Variants in XRN1 observed in about 807,000 individuals in gnomAD.
XRN1 encodes strand-exchange protein 1 homolog.
A neutral mutation model predicts 222.3 loss-of-function variants in XRN1; 67 were observed. That is an observed-to-expected ratio of 0.30 (90% CI 0.25 to 0.37). The LOEUF (loss-of-function observed/expected upper bound fraction) is 0.37. XRN1 is among the 10% of genes least tolerant of loss of function. XRN1 has a pLI of 1.00. For synonymous variants in XRN1, 643 were observed against 652.4 expected, an observed-to-expected ratio of 0.99 and a Z score of 0.22; for missense variants, 1,707 against 2,000.2, an observed-to-expected ratio of 0.85 and a Z score of 2.80.
Position 142,421,518 on chromosome 3 carries a change from G to A in XRN1, c.993C>T (p.Leu331=). ...LGGYINESGH[L]NLPRFEKYLV... is the part of the protein sequence containing the mutation. ...GGTATTTCTCAAATCGAGGTAAGTT[G>A]AGGTGCCCACTTTCATTAATATAAC... is the stretch of plus-strand genomic sequence containing the variant. The change falls in exon 9 of 41, where the codon CTC becomes CTT. Residue 331 remains leucine, a synonymous_variant. Transcript: ENST00000392981. 1.6e-5 allele frequency: 25 copies of A among 1,609,880 alleles called. No individual in the cohort carries two copies. The highest frequency in any genetic ancestry group is 2.1e-5 in the Non-Finnish European group (25 of 1,178,304).
In XRN1 at chr3:142,412,383, T is replaced by C. The variant is rs552525785; in HGVS notation, c.1713+161A>G. 1.8e-4 allele frequency among the ~76,000 whole-genome samples: 28 copies of C among 152,364 alleles called. 1 individual carries two copies. Among genetic ancestry groups the C allele is most frequent in the Admixed American group, 1.6e-3 (25 of 15,310 alleles). On this transcript the variant is annotated intron_variant, in intron 15 of 40. Transcript: ENST00000392981. The stretch of plus-strand genomic sequence containing the variant: ...TAGTAAAGCCACTTCAGCCTTATTA[T>C]AATTGGCATACCTGGAAGTTTTTAT...
At chr3:142,436,708 G>C (rs866570904) in intron 1 of XRN1, among the ~76,000 whole-genome samples, 2 of 152,106 alleles carry the variant, frequency 1.3e-5, no homozygotes, top group Non-Finnish European at 2.9e-5. Flanking sequence ...TTATGAAATA[G>C]ATTCATATTT....
At chr3:142,345,629 G>A (rs183238690) in intron 33 of XRN1, among the ~76,000 whole-genome samples, 1 of 152,108 alleles carries the variant, frequency 6.6e-6, no homozygotes. Flanking sequence ...CACAGAATGG[G>A]AGAAAATATT....
intron 32 of XRN1, among the ~76,000 whole-genome samples, chr3:142,353,174 G>A (rs374713587): frequency 1.1e-4 from 17 of 152,244 alleles, no homozygotes; most frequent in Non-Finnish European, 2.2e-4. Context: ...TGTTAAATGC[G>A]ATAACGGCCT....
At chr3:142,411,812 C>T (rs1032145160) in intron 15 of XRN1, among the ~76,000 whole-genome samples, 4 of 151,038 alleles carry the variant, frequency 2.6e-5, no homozygotes, top group Admixed American at 2.0e-4. Flanking sequence ...CTTCTTTATA[C>T]TTACTGAAAA....
At position 142,307,945 on chromosome 3, in the gene XRN1, G is replaced by A. The variant is rs992300907; in HGVS notation, c.*3566C>T. On this transcript the variant is annotated 3_prime_UTR_variant, in exon 41 of 41. Coordinates refer to ENST00000392981, the MANE Select transcript of XRN1 (RefSeq NM_001282857.2). The stretch of plus-strand genomic sequence containing the variant: ...TACAATAAATTAATTGTCTTCTACA[G>A]TAAAAACAAAATTTGGAAGCAACAT... The A allele has an allele frequency of 6.6e-6, 1 of 152,150 alleles. No homozygotes were observed. Among genetic ancestry groups the A allele is most frequent in the Non-Finnish European group, 1.5e-5 (1 of 68,026 alleles). 9.4% of individuals were successfully genotyped at this position (152,150 alleles called of 1,614,324 possible).
chr3:142,377,955 G>T (rs1195778735), intron 23 of XRN1, among the ~76,000 whole-genome samples: 1 of 152,124 alleles, frequency 6.6e-6, no homozygotes, highest in Non-Finnish European at 1.5e-5. Context: ...GCACCAGATG[G>T]TAAGATTTTA....
chr3:142,401,592 C>G (rs1162170675), intron 18 of XRN1, among the ~76,000 whole-genome samples: 1 of 151,904 alleles, frequency 6.6e-6, no homozygotes, highest in Non-Finnish European at 1.5e-5. Context: ...GTGACAGGAG[C>G]CTGTAATTCC....
chr3:142,418,875 C>T lies in XRN1; in HGVS notation c.1180G>A (p.Glu394Lys), dbSNP rs1172920935. The T allele has an allele frequency of 1.2e-6, 2 of 1,613,908 alleles. No individual in the cohort carries two copies. The highest frequency in any genetic ancestry group is 8.5e-7 in the Non-Finnish European group (1 of 1,179,858). The change falls in exon 11 of 41, where the codon GAA (glutamate) becomes AAA (lysine). Residue 394 changes from glutamate to lysine, a missense_variant. Glu to Lys is a moderately conservative substitution (Grantham distance 56). Coordinates refer to ENST00000392981, the MANE Select transcript of XRN1 (RefSeq NM_001282857.2). Reference protein sequence around the residue: ...YKEKKKLKGQENSLCWTALDK... With the variant: ...YKEKKKLKGQKNSLCWTALDK... ...AAAGCAGTCCAACACAGAGAATTTTCCTGGCCCTGTAAATTGTAAATCAAC... is the reference window on the plus strand; with the variant it reads ...AAAGCAGTCCAACACAGAGAATTTTTCTGGCCCTGTAAATTGTAAATCAAC...
chr3:142,386,711 A>G (rs2067516401), intron 20 of XRN1, among the ~76,000 whole-genome samples: 1 of 152,210 alleles, frequency 6.6e-6, no homozygotes, highest in African/African-American at 2.4e-5. Flanking sequence ...AAGAGTATGC[A>G]TATTCAAATG....
chr3:142,408,796 C>T (rs1458498623), intron 15 of XRN1, among the ~76,000 whole-genome samples: 1 of 152,054 alleles, frequency 6.6e-6, no homozygotes, highest in Non-Finnish European at 1.5e-5. Flanking sequence ...TGCTTTTATC[C>T]ATCTTATACT....
chr3:142,364,928 A>T, intron 29 of XRN1, 119 bp downstream of exon 29: 1 of 1,062,784 alleles, frequency 9.4e-7, no homozygotes, highest in Non-Finnish European at 1.2e-6. Flanking sequence ...TAAAACATAA[A>T]AAGATTGTTT....
In XRN1 at chr3:142,318,655, A is replaced by C; in HGVS notation, c.4558T>G (p.Phe1520Val). The change falls in exon 39 of 41, where the codon TTT becomes GTT. Residue 1520 changes from phenylalanine (F) to valine (V), a missense_variant. Physicochemically the swap from Phe to Val is conservative, Grantham distance 50. This residue lies in a region of XRN1 where 473 missense variants were observed against 482.0 expected (regional missense o/e 0.98). Transcript: ENST00000392981. ...GGTACAGCTGAAGGATAATTTGCAA[A>C]TACTTGTGAAGGCAAAGGGAAATTC... The part of the protein sequence containing the change: ...GMNFPLPSQV[F>V]ANYPSAVPPG... 1 of 1,610,036 alleles carries C rather than the reference A, an allele frequency of 6.2e-7. No homozygotes were observed. The highest frequency in any genetic ancestry group is 8.5e-7 in the Non-Finnish European group (1 of 1,178,434).
chr3:142,334,888 T>G (rs1398665568), intron 34 of XRN1, among the ~76,000 whole-genome samples: 1 of 150,916 alleles, frequency 6.6e-6, no homozygotes, highest in Non-Finnish European at 1.5e-5. Context: ...CAGGCTGGAG[T>G]GCAGTGGTGC....
intron 33 of XRN1, among the ~76,000 whole-genome samples, chr3:142,340,396 A>G (rs1435380158): frequency 6.6e-6 from 1 of 151,568 alleles, no homozygotes; most frequent in Non-Finnish European, 1.5e-5. Flanking sequence ...AGAGAAAAGA[A>G]TAAGAAAGAA....
At chr3:142,398,913 G>C (rs1370021389) in intron 19 of XRN1, among the ~76,000 whole-genome samples, 3 of 151,920 alleles carry the variant, frequency 2.0e-5, no homozygotes, top group Non-Finnish European at 4.4e-5. Flanking sequence ...TTATATACTA[G>C]CAGGGGAAAC....
At chr3:142,340,673 C>A (rs558489288) in intron 33 of XRN1, among the ~76,000 whole-genome samples, 227 of 152,050 alleles carry the variant, frequency 1.5e-3, no homozygotes, top group African/African-American at 4.6e-3. Flanking sequence ...CATAAAGCAG[C>A]AAGAGAAAAG....
Position 142,308,185 on chromosome 3 carries a change from G to T in XRN1, c.*3326C>A, listed in dbSNP as rs2065006466. The T allele has an allele frequency of 1.3e-5, 2 of 152,092 alleles. No homozygotes were observed. The highest frequency in any genetic ancestry group is 2.9e-5 in the Non-Finnish European group (2 of 68,006). The allele number at this position is 152,092 out of a possible 1,614,324, so 9.4% of individuals were successfully genotyped here. ...ACATAAATAAAAAGTGAGTAAAAAA[G>T]ACCTTACAGTTTATCTATTTCCTTG... On this transcript the variant is annotated 3_prime_UTR_variant, in exon 41 of 41. Coordinates refer to ENST00000392981, the MANE Select transcript of XRN1 (RefSeq NM_001282857.2).
At chr3:142,410,063 T>G (rs1199419363) in intron 15 of XRN1, among the ~76,000 whole-genome samples, 1 of 152,216 alleles carries the variant, frequency 6.6e-6, no homozygotes, top group African/African-American at 2.4e-5. Context: ...AATTTTTACA[T>G]AGATAATAAT....
Sources: gnomAD v4.1 joint callset for allele counts (sites outside exome capture counted in the v4.1 genomes callset) on GRCh38, gnomAD v4.1.1 for gene constraint, gnomAD v4.1.1 regional missense constraint, MANE v1.5 for transcripts, NCBI Gene and HGNC (gene_info 2026-07-23, HGNC 2026-07-21) for gene names.